Variants in SBNO1 observed in about 807,000 individuals in gnomAD.
SBNO1 encodes strawberry notch homolog 1.
SBNO1 carries 23 observed loss-of-function variants against 173.6 expected under a neutral mutation model. The observed-to-expected ratio is 0.13, with a 90% CI of 0.10 to 0.19. The LOEUF (loss-of-function observed/expected upper bound fraction) is 0.19, where lower values mean the gene tolerates loss of function less well. Ranked by LOEUF, SBNO1 falls within the 10% of genes least tolerant of loss-of-function variation. The pLI is 1.00. For synonymous variants in SBNO1, 632 were observed against 571.5 expected, an observed-to-expected ratio of 1.11 and a Z score of -1.51; for missense variants, 1,238 against 1,671.2, an observed-to-expected ratio of 0.74 and a Z score of 4.52.
In SBNO1 at chr12:123,327,721, T is replaced by C. The variant is rs767122562; in HGVS notation, c.1524A>G (p.Gln508=). The part of the protein sequence containing the change: ...TPFREFSDFI[Q]AVERRGVGAM... ...AACTGCATTACCTCCGTTCTACTGC[T>C]TGAATAAAATCACTGAATTCTCTAA... is the stretch of plus-strand genomic sequence containing the variant. The change falls in exon 12 of 32, where the codon CAA becomes CAG. Residue 508 remains glutamine, a synonymous_variant. Coordinates refer to ENST00000602398, the MANE Select transcript of SBNO1 (RefSeq NM_001167856.3). The C allele has an allele frequency of 1.3e-5, 21 of 1,613,008 alleles. No homozygotes were observed. In the South Asian group the frequency reaches 2.2e-4, roughly 17 times the overall value.
intron 1 of SBNO1, 93 bp downstream of exon 1, chr12:123,364,608 A>C: frequency 1.0e-6 from 1 of 968,046 alleles, no homozygotes; most frequent in Non-Finnish European, 1.2e-6. Context: ...CTGTCCCCCC[A>C]GCCTGGCCCC....
At chr12:123,357,647 C>T (rs1194465477) in intron 1 of SBNO1, among the ~76,000 whole-genome samples, 1 of 151,816 alleles carries the variant, frequency 6.6e-6, no homozygotes, top group Non-Finnish European at 1.5e-5. Context: ...CCCAGCTACT[C>T]GGGAGGCTGA....
chr12:123,327,100 G>T (rs572675343), intron 13 of SBNO1, among the ~76,000 whole-genome samples: 1 of 152,218 alleles, frequency 6.6e-6, no homozygotes, highest in South Asian at 2.1e-4. Flanking sequence ...CCGCCTCCTG[G>T]GTTCAAGCGA....
rs1293994292 is a variant in SBNO1, at chr12:123,292,870, G to C, written c.*3038C>G. 1 of 152,168 alleles carries C rather than the reference G, an allele frequency of 6.6e-6. No individual in the cohort carries two copies. The allele number at this position is 152,168 out of a possible 1,614,324, so 9.4% of individuals were successfully genotyped here. A position where few individuals can be genotyped will look rare whatever the true frequency, so the allele number is the denominator to read the frequency against. On this transcript the variant is annotated 3_prime_UTR_variant, in exon 32 of 32. Coordinates refer to ENST00000602398, the MANE Select transcript of SBNO1 (RefSeq NM_001167856.3). ...TTAATCAAGTTGTGTTTAAAGAAAT[G>C]CATTAATACTCCTATGAATTTGTAT...
intron 5 of SBNO1, among the ~76,000 whole-genome samples, chr12:123,339,335 CCT>C (rs1254394515): frequency 6.6e-6 from 1 of 152,058 alleles, no homozygotes; most frequent in Admixed American, 6.6e-5. Flanking sequence ...CTTACTTCCC[CCT>C]TAGGTTAACC....
intron 23 of SBNO1, 52 bp from the exon 24 acceptor site, chr12:123,313,771 C>T: frequency 9.7e-7 from 1 of 1,035,520 alleles, no homozygotes; most frequent in Non-Finnish European, 1.5e-6. Context: ...GGATACTCTT[C>T]AATCACATGA....
At chr12:123,310,015 T>C (rs140726830) in intron 25 of SBNO1, among the ~76,000 whole-genome samples, 159 bp from the exon 26 acceptor site, 88 of 152,298 alleles carry the variant, frequency 5.8e-4, no homozygotes, top group African/African-American at 1.9e-3. Flanking sequence ...TTTCTCTCTC[T>C]AGCAATTAGC....
chr12:123,299,316 C>T (rs1168805780), intron 30 of SBNO1, among the ~76,000 whole-genome samples: 1 of 149,988 alleles, frequency 6.7e-6, no homozygotes, highest in Non-Finnish European at 1.5e-5. Context: ...TGCAGTGAGC[C>T]GAGATCGTGC....
intron 3 of SBNO1, 23 bp downstream of exon 3, chr12:123,348,006 C>T (rs373310635): frequency 4.9e-5 from 70 of 1,430,858 alleles, no homozygotes; most frequent in Non-Finnish European, 6.0e-5. Flanking sequence ...TTAGAAGTAA[C>T]GACGAATCTA....
chr12:123,335,120 G>A (rs184624232), intron 6 of SBNO1, among the ~76,000 whole-genome samples: 270 of 152,292 alleles, frequency 1.8e-3, no homozygotes, highest in African/African-American at 6.2e-3. Context: ...GAGCCTTGTA[G>A]GCTAAGGCTG....
chr12:123,332,965 A>C (rs1429906362), intron 7 of SBNO1, among the ~76,000 whole-genome samples: 1 of 152,120 alleles, frequency 6.6e-6, no homozygotes, highest in African/African-American at 2.4e-5. Flanking sequence ...TCCACTAAAA[A>C]CAGAAAAAAT....
rs2048519021 is a variant in SBNO1, at chr12:123,291,957, T to C, written c.*3951A>G. The C allele has an allele frequency of 6.6e-6, 1 of 151,964 alleles. No homozygotes were observed. Among genetic ancestry groups the C allele is most frequent in the Non-Finnish European group, 1.5e-5 (1 of 68,018 alleles). The allele number at this position is 151,964 out of a possible 1,614,324, so 9.4% of individuals were successfully genotyped here. ...CTAGCGAGCTTGAGTTGCAGGTATT[T>C]AGGTGTGTTTCTGTCACTTAAAAGA... On this transcript the variant is annotated 3_prime_UTR_variant, in exon 32 of 32. Coordinates refer to ENST00000602398, the MANE Select transcript of SBNO1 (RefSeq NM_001167856.3).
At chr12:123,324,321 T>A (rs893360654) in intron 15 of SBNO1, among the ~76,000 whole-genome samples, 1 of 75,174 alleles carries the variant, frequency 1.3e-5, no homozygotes, top group African/African-American at 5.6e-5. Context: ...GTCTTGCTTT[T>A]TTCTTTTTTT....
chr12:123,353,958 T>C (rs1394981829), intron 1 of SBNO1, among the ~76,000 whole-genome samples: 1 of 152,202 alleles, frequency 6.6e-6, no homozygotes, highest in African/African-American at 2.4e-5. Flanking sequence ...CATCAGTCCA[T>C]GAGCTATACA....
At chr12:123,297,910 T>C (rs2048661935) in intron 31 of SBNO1, 68 bp downstream of exon 31, 3 of 1,406,910 alleles carry the variant, frequency 2.1e-6, no homozygotes, top group Admixed American at 3.5e-5. Context: ...GCTAAGATAT[T>C]AGCAATGAGA....
intron 5 of SBNO1, 112 bp downstream of exon 5, chr12:123,340,876 G>C: frequency 1.5e-6 from 1 of 684,988 alleles, no homozygotes; most frequent in South Asian, 1.7e-5. Context: ...CGCCTGTATA[G>C]CTTCTTCCCA....
At chr12:123,300,461 T>C (rs2048749121) in intron 30 of SBNO1, among the ~76,000 whole-genome samples, 1 of 147,808 alleles carries the variant, frequency 6.8e-6, no homozygotes, top group African/African-American at 2.5e-5. Flanking sequence ...ATCAAGACCA[T>C]CATGGCTAAC....
At chr12:123,361,385 C>G (rs530573819) in intron 1 of SBNO1, among the ~76,000 whole-genome samples, 2 of 151,800 alleles carry the variant, frequency 1.3e-5, no homozygotes, top group East Asian at 1.9e-4. Flanking sequence ...CCCGTCTCTA[C>G]TAAAAATACA....
chr12:123,314,531 T>C (rs571080798), intron 23 of SBNO1, among the ~76,000 whole-genome samples: 10 of 152,088 alleles, frequency 6.6e-5, no homozygotes, highest in African/African-American at 2.2e-4. Context: ...GGTTTCACCA[T>C]GTTGGCCAGG....
Sources: allele counts gnomAD v4.1 joint callset (sites outside exome capture counted in the v4.1 genomes callset), GRCh38; gene constraint gnomAD v4.1.1; transcripts MANE v1.5; gene names NCBI Gene and HGNC (gene_info 2026-07-23, HGNC 2026-07-21).